The following SHC4 variants were observed in gnomAD, a reference collection of about 807,000 sequenced individuals.
SHC4 encodes SHC adaptor protein 4, also known as SHC-transforming protein 4.
Under a neutral mutation model 69.4 loss-of-function variants are expected in SHC4, and 41 were observed. The ratio of observed to expected loss-of-function variants is 0.59; its 90% CI spans 0.46 to 0.77. SHC4 has a LOEUF of 0.77. SHC4 is among the 30% of genes least tolerant of loss of function. The pLI is 0.00. For synonymous variants in SHC4, 318 were observed against 299.3 expected, an observed-to-expected ratio of 1.06 and a Z score of -0.64; for missense variants, 777 against 783.8, an observed-to-expected ratio of 0.99 and a Z score of 0.10.
At chr15:48,936,521 T>G (rs964419128) in intron 1 of SHC4, among the ~76,000 whole-genome samples, 1 of 152,118 alleles carries the variant, frequency 6.6e-6, no homozygotes, top group Non-Finnish European at 1.5e-5. Context: ...TCCCCAAGAT[T>G]CTATTCCCAG....
chr15:48,841,766 C>G (rs1056071874), intron 10 of SHC4, among the ~76,000 whole-genome samples: 2 of 152,208 alleles, frequency 1.3e-5, no homozygotes, highest in Non-Finnish European at 2.9e-5. Flanking sequence ...TTCATCTTAG[C>G]ATCTGCTTCC....
chr15:48,935,638 G>T (rs774369368), intron 1 of SHC4, among the ~76,000 whole-genome samples: 2 of 152,156 alleles, frequency 1.3e-5, no homozygotes, highest in Admixed American at 1.3e-4. Flanking sequence ...AATGTGGGTC[G>T]TGTAAGAAGG....
intron 2 of SHC4, among the ~76,000 whole-genome samples, chr15:48,918,934 C>T (rs1445998743): frequency 6.6e-6 from 1 of 152,032 alleles, no homozygotes; most frequent in African/African-American, 2.4e-5. Context: ...TCAGGGCTTC[C>T]CAGGTCTGCT....
At chr15:48,894,942 A>C (rs964369211) in intron 2 of SHC4, among the ~76,000 whole-genome samples, 1 of 151,576 alleles carries the variant, frequency 6.6e-6, no homozygotes, top group Admixed American at 6.6e-5. Flanking sequence ...ACTGGCAAAA[A>C]CCGCCACAAT....
chr15:48,863,135 G>C (rs114797569), intron 6 of SHC4, among the ~76,000 whole-genome samples: 1 of 151,094 alleles, frequency 6.6e-6, no homozygotes, highest in East Asian at 2.0e-4. Flanking sequence ...CAAAGGTTTT[G>C]GATATTTTTT....
At chr15:48,905,709 G>A (rs980489139) in intron 2 of SHC4, among the ~76,000 whole-genome samples, 3 of 152,230 alleles carry the variant, frequency 2.0e-5, no homozygotes, top group Admixed American at 2.0e-4. Flanking sequence ...TCACATTCAT[G>A]TGTTTTAATC....
intron 1 of SHC4, among the ~76,000 whole-genome samples, chr15:48,945,022 T>A (rs1901249369): frequency 6.6e-6 from 1 of 152,208 alleles, no homozygotes. Context: ...CTTATGTTTT[T>A]CTCTTAGGAG....
intron 4 of SHC4, among the ~76,000 whole-genome samples, chr15:48,872,541 G>A (rs1899700775): frequency 6.6e-6 from 1 of 152,240 alleles, no homozygotes; most frequent in Non-Finnish European, 1.5e-5. Flanking sequence ...AGAAAAGTCT[G>A]CTGGAATATG....
intron 1 of SHC4, among the ~76,000 whole-genome samples, chr15:48,931,506 T>C (rs1261700959): frequency 6.6e-6 from 1 of 152,168 alleles, no homozygotes; most frequent in African/African-American, 2.4e-5. Flanking sequence ...AAAAGTCAAC[T>C]CTTACTTTTT....
At chr15:48,827,436 C>G (rs1339067320) in intron 11 of SHC4, among the ~76,000 whole-genome samples, 1 of 152,104 alleles carries the variant, frequency 6.6e-6, no homozygotes, top group Non-Finnish European at 1.5e-5. Context: ...GGCTCCAAAC[C>G]TCAAAAAGGT....
rs780151160 is a variant in SHC4 at position 48,890,827 on chromosome 15, C to T, written c.657-16G>A. ...TATTGCTTCCCTAAAGAACAGAAAC[C>T]ATATAAATAAAGACTTAGCATACTA... On this transcript the variant is annotated splice_polypyrimidine_tract_variant and intron_variant, in intron 2 of 11. Coordinates refer to ENST00000332408, the MANE Select transcript of SHC4 (RefSeq NM_203349.4). The T allele has an allele frequency of 7.4e-6, 12 of 1,613,952 alleles. No individual in the cohort carries two copies. The highest frequency in any genetic ancestry group is 9.3e-6 in the Non-Finnish European group (11 of 1,179,852).
chr15:48,877,340 G>T, intron 4 of SHC4: 2 of 696,600 alleles, frequency 2.9e-6, no homozygotes, highest in Non-Finnish European at 3.5e-6. Flanking sequence ...TAACTATAAT[G>T]TAATAATAAT....
intron 10 of SHC4, among the ~76,000 whole-genome samples, chr15:48,841,757 T>C (rs1224179832): frequency 6.6e-6 from 1 of 152,216 alleles, no homozygotes; most frequent in Non-Finnish European, 1.5e-5. Flanking sequence ...CTGCCAAGCT[T>C]CATCTTAGCA....
intron 6 of SHC4, among the ~76,000 whole-genome samples, chr15:48,859,673 T>C (rs909963430): frequency 6.6e-6 from 1 of 152,216 alleles, no homozygotes; most frequent in East Asian, 1.9e-4. Context: ...AGTGCTACTG[T>C]ATGAAATTGT....
At chr15:48,907,298 C>T (rs974754719) in intron 2 of SHC4, among the ~76,000 whole-genome samples, 7 of 151,104 alleles carry the variant, frequency 4.6e-5, no homozygotes, top group Middle Eastern at 3.4e-3. Flanking sequence ...TAGCTCGGCT[C>T]ACTGCAACCG....
At chr15:48,906,575 G>A (rs1488282615) in intron 2 of SHC4, among the ~76,000 whole-genome samples, 2 of 151,998 alleles carry the variant, frequency 1.3e-5, no homozygotes, top group African/African-American at 4.8e-5. Context: ...TGCTGTCCTG[G>A]TTAAAGATGT....
intron 6 of SHC4, among the ~76,000 whole-genome samples, chr15:48,866,727 T>C (rs1204960532): frequency 6.6e-6 from 1 of 152,232 alleles, no homozygotes; most frequent in Non-Finnish European, 1.5e-5. Flanking sequence ...CATGTACATT[T>C]CCACCTCGGT....
At chr15:48,832,577 C>T (rs970539845) in intron 11 of SHC4, among the ~76,000 whole-genome samples, 2 of 152,120 alleles carry the variant, frequency 1.3e-5, no homozygotes, top group Non-Finnish European at 2.9e-5. Context: ...TCATCACTTA[C>T]TTGGGAAGAT....
intron 10 of SHC4, among the ~76,000 whole-genome samples, chr15:48,841,439 C>G (rs1898986674): frequency 6.6e-6 from 1 of 152,186 alleles, no homozygotes; most frequent in African/African-American, 2.4e-5. Flanking sequence ...CTGCCCAGAT[C>G]TCCCTTCAAG....
Sources: gnomAD v4.1 joint callset for allele counts (sites outside exome capture counted in the v4.1 genomes callset) on GRCh38, gnomAD v4.1.1 for gene constraint, MANE v1.5 for transcripts, NCBI Gene and HGNC (gene_info 2026-07-23, HGNC 2026-07-21) for gene names.